TRMU: variants seen among roughly 807,000 people sequenced by gnomAD.
TRMU encodes tRNA mitochondrial 2-thiouridylase.
TRMU carries 49 observed loss-of-function variants against 46.9 expected under a neutral mutation model. That is an observed-to-expected ratio of 1.05 (90% confidence interval 0.83 to 1.33). The LOEUF is 1.33. TRMU is among the 40% of genes most tolerant of loss of function. The probability of loss-of-function intolerance (pLI) is 0.00; values close to 1 mark genes in which losing one functional copy is unlikely to be tolerated. For missense variants in TRMU, 572 were observed against 532.4 expected (o/e 1.07, Z -0.73); for synonymous variants, 241 against 200.9 (o/e 1.20, Z -1.69).
In TRMU at chr22:46,350,546, C is replaced by T. The variant is rs568905334; in HGVS notation, c.651+83C>T. ...ACGGAGCAGCTGGACCTGTGGGTCCCGCACCACTTCCCCTTCTCCAGGACC... is the reference window on the plus strand; with the variant it reads ...ACGGAGCAGCTGGACCTGTGGGTCCTGCACCACTTCCCCTTCTCCAGGACC... On this transcript the variant is annotated intron_variant, in intron 5 of 10. Coordinates refer to ENST00000645190, the MANE Select transcript of TRMU (RefSeq NM_018006.5). This position sits in a 1 kb window ranked among gnomAD's most constrained non-coding sequence, Gnocchi z 4.6. 4.0e-4 allele frequency: 601 copies of T among 1,514,618 alleles called. No homozygotes were observed. The highest frequency in any genetic ancestry group is 2.7e-3 in the Middle Eastern group (14 of 5,110). 93.8% of individuals were successfully genotyped at this position (1,514,618 alleles called of 1,614,324 possible).
intron 9 of TRMU, 177 bp downstream of exon 9, chr22:46,355,765 G>A (rs984048790): frequency 8.2e-7 from 1 of 1,213,280 alleles, no homozygotes; most frequent in Non-Finnish European, 1.2e-6. Flanking sequence ...CGAGGCCTGG[G>A]GGTGCTGGGA....
chr22:46,353,588 T>C, intron 7 of TRMU, 179 bp from the exon 8 acceptor site: 4 of 588,524 alleles, frequency 6.8e-6, no homozygotes, highest in South Asian at 6.6e-5. Context: ...AATGATGAGA[T>C]GTGCTCAGGT....
At chr22:46,345,151 A>C (rs1350410990) in intron 3 of TRMU, among the ~76,000 whole-genome samples, 2 of 150,846 alleles carry the variant, frequency 1.3e-5, no homozygotes, top group Non-Finnish European at 3.0e-5. Context: ...GCTCACTGCA[A>C]CCTCCACCTC....
intron 3 of TRMU, among the ~76,000 whole-genome samples, chr22:46,345,758 T>C (rs1309839841): frequency 6.6e-6 from 1 of 150,588 alleles, no homozygotes; most frequent in Non-Finnish European, 1.5e-5. Flanking sequence ...TTGAACATTT[T>C]GGTTCTTTTT....
intron 2 of TRMU, among the ~76,000 whole-genome samples, chr22:46,340,826 T>C (rs1300370742): frequency 1.3e-5 from 2 of 152,246 alleles, no homozygotes; most frequent in African/African-American, 4.8e-5. Flanking sequence ...CGCTGCTTGA[T>C]AGGGACTGAG....
rs2078340988 is a variant in TRMU, at chr22:46,349,240, G to A, written c.479-1051G>A. Reference sequence around the variant, plus strand: ...TCACTCAGTTCTGCTGTTTGTACCTGCCAAGTAAGGGAGGGGGACTCGGGA... The same window carrying A: ...TCACTCAGTTCTGCTGTTTGTACCTACCAAGTAAGGGAGGGGGACTCGGGA... On this transcript the variant is annotated intron_variant, in intron 4 of 10. Transcript: ENST00000645190. The surrounding 1 kb of genome is among the most constrained non-coding windows in gnomAD (Gnocchi z 4.6). 6.6e-6 allele frequency among the ~76,000 whole-genome samples: 1 copy of A among 152,092 alleles called. No individual in the cohort carries two copies. Among genetic ancestry groups the A allele is most frequent in the African/African-American group, 2.4e-5 (1 of 41,392 alleles).
intron 10 of TRMU, 46 bp downstream of exon 10, chr22:46,356,118 G>A (rs2078600748): frequency 1.2e-6 from 2 of 1,608,022 alleles, no homozygotes; most frequent in East Asian, 2.2e-5. Flanking sequence ...GTACTGCTCT[G>A]CACCCTGCCA....
At chr22:46,337,197 G>T (rs984901770) in intron 1 of TRMU, among the ~76,000 whole-genome samples, 1 of 152,122 alleles carries the variant, frequency 6.6e-6, no homozygotes, top group African/African-American at 2.4e-5. Context: ...CTACCTAAAC[G>T]AACCAGCTTT....
chr22:46,337,922 G>C lies in TRMU; in HGVS notation c.226G>C (p.Glu76Gln). Residue 76 changes from glutamate (E) to glutamine (Q), a missense_variant, in exon 2 of 11, where the codon GAG (glutamate) becomes CAG (glutamine). Physicochemically the swap from Glu to Gln is conservative, Grantham distance 29. Coordinates refer to ENST00000645190, the MANE Select transcript of TRMU (RefSeq NM_018006.5). ...IPFHQVSYVK[E>Q]YWNDVFSDFL... Reference sequence around the variant, plus strand: ...TTTCCATCAAGTGTCCTACGTAAAGGAGTATTGGAATGATGTGTTCAGGTG... The same window carrying C: ...TTTCCATCAAGTGTCCTACGTAAAGCAGTATTGGAATGATGTGTTCAGGTG... 6.2e-7 allele frequency: 1 copy of C among 1,614,210 alleles called. No individual in the cohort carries two copies.
In TRMU at chr22:46,354,111, A is replaced by G. The variant is rs2839855; in HGVS notation, c.873+244A>G. On this transcript the variant is annotated intron_variant, in intron 8 of 10. Transcript: ENST00000645190. ...ATCATCCCTGAACCCCGATACACAG[A>G]TACAGTTTCTCCAATTTTATGAAAG... 5,714 of 455,944 alleles carry G rather than the reference A, an allele frequency of 0.013. 279 individuals carry two copies. The highest frequency in any genetic ancestry group is 0.1 in the African/African-American group (5,062 of 50,324). 28.2% of individuals were successfully genotyped at this position (455,944 alleles called of 1,614,324 possible). A position where few individuals can be genotyped will look rare whatever the true frequency, so the allele number is the denominator to read the frequency against.
chr22:46,340,686 C>A (rs2078099257), intron 2 of TRMU, among the ~76,000 whole-genome samples: 1 of 120,230 alleles, frequency 8.3e-6, no homozygotes, highest in African/African-American at 3.2e-5. Context: ...GGATTAAACC[C>A]CAGAATTAGG....
At chr22:46,353,950 C>T (rs1307218224) in intron 8 of TRMU, 83 bp downstream of exon 8, 10 of 1,325,442 alleles carry the variant, frequency 7.5e-6, no homozygotes, top group African/African-American at 1.5e-5. Context: ...TTGAGAAGGC[C>T]TCCAGCAGCC....
In TRMU at chr22:46,338,061, G is replaced by A. The variant is rs1021617803; in HGVS notation, c.248+117G>A. ...CTGCAGCCCAGCGCTCTCCCTCCAC[G>A]GTGGTGCTGAAGACTGCAAGAGGCC... On this transcript the variant is annotated intron_variant, in intron 2 of 10. Coordinates refer to ENST00000645190, the MANE Select transcript of TRMU (RefSeq NM_018006.5). The surrounding 1 kb of genome is among the most constrained non-coding windows in gnomAD (Gnocchi z 4.5). 7 of 1,470,316 alleles carry A rather than the reference G, an allele frequency of 4.8e-6. No homozygotes were observed. In the East Asian group the frequency reaches 6.8e-5, roughly 14 times the overall value. 91.1% of individuals were successfully genotyped at this position (1,470,316 alleles called of 1,614,324 possible).
chr22:46,353,772 T>C lies in TRMU; in HGVS notation c.778T>C (p.Phe260Leu), dbSNP rs778068507. 6.2e-7 allele frequency: 1 copy of C among 1,613,722 alleles called. No homozygotes were observed. The highest frequency in any genetic ancestry group is 8.5e-7 in the Non-Finnish European group (1 of 1,179,726). The change falls in exon 8 of 11, where the codon TTC becomes CTC. Residue 260 changes from phenylalanine to leucine, a missense_variant. By Grantham distance (22) the Phe-to-Leu change is conservative. Coordinates refer to ENST00000645190, the MANE Select transcript of TRMU (RefSeq NM_018006.5). ...GAGAAACTGTCTTTCTGTAGGTTGG[T>C]TCCTGTATACCTTGGGCCAGAGAGC... is the stretch of plus-strand genomic sequence containing the variant. ...NKVLGTHKGW[F>L]LYTLGQRANI...
Position 46,352,261 on chromosome 22 carries a change from C to T in TRMU, c.706-3C>T. On this transcript the variant is annotated splice_region_variant and splice_polypyrimidine_tract_variant and intron_variant, in intron 6 of 10. Transcript: ENST00000645190. ...CGTCGGTAATGACATGTTTGTTTTC[C>T]AGTATCTGCAGCCTCGACCTGGTCA... The T allele has an allele frequency of 5.6e-6, 9 of 1,614,142 alleles. No individual in the cohort carries two copies. The highest frequency in any genetic ancestry group is 2.2e-5 in the East Asian group (1 of 44,882).
Position 46,345,617 on chromosome 22 carries a change from C to T in TRMU, c.356-805C>T, listed in dbSNP as rs1216582205. Among the ~76,000 whole-genome samples, 6 of 152,098 alleles carry T rather than the reference C, an allele frequency of 3.9e-5. 1 individual carries two copies. The East Asian group carries it at 1.2e-3, about 29-fold the overall frequency. On this transcript the variant is annotated intron_variant, in intron 3 of 10. Transcript: ENST00000645190. ...TCAACTGTTTCTGTACAGTAAAAACCGTGGAATCATGGTGTTACATCCTCG... is the reference window on the plus strand; with the variant it reads ...TCAACTGTTTCTGTACAGTAAAAACTGTGGAATCATGGTGTTACATCCTCG...
Position 46,355,488 on chromosome 22 carries a change from G to A in TRMU, c.918G>A (p.Arg306=). 6.2e-7 allele frequency: 1 copy of A among 1,613,268 alleles called. No homozygotes were observed. The highest frequency in any genetic ancestry group is 8.5e-7 in the Non-Finnish European group (1 of 1,180,028). ...CAGCCCTGTACAGGGACCTGCTGAG[G>A]ACCAGCCGCGTGCACTGGATTGCGG... ...DHPALYRDLL[R]TSRVHWIAEE... is the part of the protein sequence containing the mutation. Residue 306 remains arginine (R), a synonymous_variant, in exon 9 of 11, where the codon AGG becomes AGA. Transcript: ENST00000645190.
rs563214725 is a variant in TRMU at position 46,351,658 on chromosome 22, G to C, written c.652-463G>C. 2.1e-5 allele frequency: 6 copies of C among 283,654 alleles called. No individual in the cohort carries two copies. The highest frequency in any genetic ancestry group is 8.7e-5 in the African/African-American group (4 of 46,036). 17.6% of individuals were successfully genotyped at this position (283,654 alleles called of 1,614,324 possible). A position where few individuals can be genotyped will look rare whatever the true frequency, so the allele number is the denominator to read the frequency against. On this transcript the variant is annotated intron_variant, in intron 5 of 10. Coordinates refer to ENST00000645190, the MANE Select transcript of TRMU (RefSeq NM_018006.5). The surrounding 1 kb of genome is among the most constrained non-coding windows in gnomAD (Gnocchi z 6.4). ...CAGCCCCTGATGGGGCCACGGTGGAGAGCGCACGCCACCCAGGCTCCCCAG... is the reference window on the plus strand; with the variant it reads ...CAGCCCCTGATGGGGCCACGGTGGACAGCGCACGCCACCCAGGCTCCCCAG...
Position 46,357,250 on chromosome 22 carries a change from C to A in TRMU, c.*244C>A. 1 of 595,222 alleles carries A rather than the reference C, an allele frequency of 1.7e-6. No homozygotes were observed. Among genetic ancestry groups the A allele is most frequent in the Non-Finnish European group, 3.0e-6 (1 of 336,974 alleles). 36.9% of individuals were successfully genotyped at this position (595,222 alleles called of 1,614,324 possible). ...GTGGCCCGAGTTCCCCTTCACCGCC[C>A]CCAGGGAGGGTTTCCCACCTCAGAG... On this transcript the variant is annotated 3_prime_UTR_variant, in exon 11 of 11. Coordinates refer to ENST00000645190, the MANE Select transcript of TRMU (RefSeq NM_018006.5).
Sources: gnomAD v4.1 joint callset for allele counts (sites outside exome capture counted in the v4.1 genomes callset) on GRCh38, gnomAD v4.1.1 for gene constraint, Gnocchi (gnomAD v3.1) non-coding constraint, MANE v1.5 for transcripts, NCBI Gene and HGNC (gene_info 2026-07-23, HGNC 2026-07-21) for gene names.